The following GPR158 variants were observed in gnomAD, a reference collection of about 807,000 sequenced individuals.
GPR158 encodes the protein G protein-coupled receptor 158.
In GPR158, 30 loss-of-function variants were observed where a neutral mutation model predicts 78.2. The observed-to-expected ratio is 0.38, with a 90% CI of 0.29 to 0.52. GPR158 has a LOEUF of 0.52. GPR158 is among the 20% of genes least tolerant of loss of function. GPR158 has a pLI of 0.83. For missense variants in GPR158, 1,463 were observed against 1,523.5 expected, an observed-to-expected ratio of 0.96 and a Z score of 0.66; for synonymous variants, 581 against 591.1, an observed-to-expected ratio of 0.98 and a Z score of 0.25.
chr10:25,354,399 G>C (rs995961369), intron 2 of GPR158, among the ~76,000 whole-genome samples: 6 of 150,156 alleles, frequency 4.0e-5, no homozygotes, highest in Non-Finnish European at 8.9e-5. Flanking sequence ...ACTTACCTTA[G>C]ACCACAAAGA....
chr10:25,382,939 G>A (rs1834175649), intron 2 of GPR158, among the ~76,000 whole-genome samples: 2 of 151,914 alleles, frequency 1.3e-5, no homozygotes, highest in South Asian at 4.1e-4. Context: ...AGGTTCAAGC[G>A]ATTCTCCTGC....
At chr10:25,596,242 T>C (rs1267047750) in intron 9 of GPR158, among the ~76,000 whole-genome samples, 2 of 152,172 alleles carry the variant, frequency 1.3e-5, no homozygotes, top group Non-Finnish European at 2.9e-5. Flanking sequence ...GCGTATGATA[T>C]TTTGGAGGGC....
At chr10:25,236,462 T>C (rs569521553) in intron 2 of GPR158, among the ~76,000 whole-genome samples, 1 of 152,246 alleles carries the variant, frequency 6.6e-6, no homozygotes, top group Admixed American at 6.5e-5. Flanking sequence ...GAGCCGAGAT[T>C]GCACCACTGC....
intron 3 of GPR158, among the ~76,000 whole-genome samples, chr10:25,402,456 A>G (rs1408685116): frequency 6.6e-6 from 1 of 152,088 alleles, no homozygotes; most frequent in African/African-American, 2.4e-5. Context: ...ATATTGTATC[A>G]GTATTAAATT....
chr10:25,253,176 G>A (rs941738981), intron 2 of GPR158, among the ~76,000 whole-genome samples: 18 of 152,262 alleles, frequency 1.2e-4, no homozygotes, highest in Middle Eastern at 3.4e-3. Flanking sequence ...TTCGGCTCGC[G>A]CACCGTGCGC....
chr10:25,598,182 G>A lies in GPR158; in HGVS notation c.2556G>A (p.Leu852=). ...CAGAAAATTCCACACTGGAATCCCT[G>A]TCGGGTAAAAAACTAACACAAAAAC... The part of the protein sequence containing the change: ...ETTENSTLES[L]SGKKLTQKLK... The change falls in exon 11 of 11, where the codon CTG becomes CTA. Residue 852 remains leucine, a synonymous_variant. Transcript: ENST00000376351. 2 of 1,614,170 alleles carry A rather than the reference G, an allele frequency of 1.2e-6. No homozygotes were observed. Among genetic ancestry groups the A allele is most frequent in the South Asian group, 1.1e-5 (1 of 91,088 alleles).
chr10:25,379,928 T>C lies in GPR158; in HGVS notation c.1009-15983T>C, dbSNP rs185566328. ...TACCTTGGATCTTGGTCCCTCCATT[T>C]TGGCTTCACATAAGCTTTCTTATGC... On this transcript the variant is annotated intron_variant, in intron 2 of 10. Coordinates refer to ENST00000376351, the MANE Select transcript of GPR158 (RefSeq NM_020752.3). Among the ~76,000 whole-genome samples the C allele has an allele frequency of 5.1e-3, 782 of 151,852 alleles. 2 individuals carry two copies. Among genetic ancestry groups the C allele is most frequent in the Non-Finnish European group, 9.1e-3 (617 of 67,942 alleles).
At chr10:25,189,834 A>ATGTG (rs56205437) in intron 1 of GPR158, among the ~76,000 whole-genome samples, 9,984 of 120,400 alleles carry the variant, frequency 0.083, 453 homozygotes, top group African/African-American at 0.1. Context: ...AAAGGAAAGC[A>ATGTG]TGTGTGTGTG....
At position 25,431,776 on chromosome 10, in the gene GPR158, G is replaced by A. The variant is rs553921720; in HGVS notation, c.1335+19303G>A. 6.6e-5 allele frequency among the ~76,000 whole-genome samples: 10 copies of A among 152,022 alleles called. No homozygotes were observed. The East Asian group carries it at 7.7e-4, about 12-fold the overall frequency. ...TCGCAAGAACAAAAAACCAAACACCGCATATTCTCACTCATATGTGGGAAT... is the reference window on the plus strand; with the variant it reads ...TCGCAAGAACAAAAAACCAAACACCACATATTCTCACTCATATGTGGGAAT... On this transcript the variant is annotated intron_variant, in intron 4 of 10. Coordinates refer to ENST00000376351, the MANE Select transcript of GPR158 (RefSeq NM_020752.3).
At chr10:25,239,345 A>G (rs1853572352) in intron 2 of GPR158, among the ~76,000 whole-genome samples, 1 of 152,102 alleles carries the variant, frequency 6.6e-6, no homozygotes, top group African/African-American at 2.4e-5. Context: ...TGATGCCTGT[A>G]ATCCCAGCAC....
chr10:25,386,640 G>A (rs772072121), intron 2 of GPR158, among the ~76,000 whole-genome samples: 1 of 152,040 alleles, frequency 6.6e-6, no homozygotes, highest in Non-Finnish European at 1.5e-5. Flanking sequence ...ATATTTTACA[G>A]TTTTCAGAGT....
intron 5 of GPR158, among the ~76,000 whole-genome samples, chr10:25,538,722 A>G (rs903773799): frequency 6.6e-6 from 1 of 152,200 alleles, no homozygotes; most frequent in Non-Finnish European, 1.5e-5. Context: ...TATTTTATAT[A>G]CATTTTAGGT....
chr10:25,498,345 A>G (rs1221673661), intron 5 of GPR158, among the ~76,000 whole-genome samples: 2 of 152,218 alleles, frequency 1.3e-5, no homozygotes, highest in Non-Finnish European at 2.9e-5. Flanking sequence ...GGAAGCCCAG[A>G]AGGCACACTT....
At chr10:25,430,462 A>T (rs36172550) in intron 4 of GPR158, among the ~76,000 whole-genome samples, 17,240 of 147,636 alleles carry the variant, frequency 0.12, 1,072 homozygotes, top group East Asian at 0.16. Flanking sequence ...ATTCAATGCC[A>T]TCCCCATCGA....
intron 2 of GPR158, among the ~76,000 whole-genome samples, chr10:25,301,576 T>G (rs67389824): frequency 0.2 from 30,732 of 151,872 alleles, 5,250 homozygotes; most frequent in African/African-American, 0.47. Flanking sequence ...TGTGTTGGGA[T>G]TGTGAGGAAT....
intron 2 of GPR158, among the ~76,000 whole-genome samples, chr10:25,316,992 C>T (rs1382584824): frequency 6.7e-6 from 1 of 149,988 alleles, no homozygotes; most frequent in Non-Finnish European, 1.5e-5. Flanking sequence ...TTCAATTATA[C>T]ATATCCATTC....
chr10:25,411,653 A>G (rs1056556308), intron 3 of GPR158, among the ~76,000 whole-genome samples: 1 of 151,806 alleles, frequency 6.6e-6, no homozygotes, highest in African/African-American at 2.4e-5. Flanking sequence ...AAGACTTAGA[A>G]GGCCAGGTGC....
intron 2 of GPR158, among the ~76,000 whole-genome samples, chr10:25,370,671 A>G (rs991534057): frequency 6.7e-6 from 1 of 150,166 alleles, no homozygotes; most frequent in East Asian, 2.0e-4. Flanking sequence ...AGTTCTGTAG[A>G]TGTCTATTAG....
chr10:25,594,090 CATA>C (rs2130752101), intron 8 of GPR158, 199 bp from the exon 9 acceptor site: 1 of 407,076 alleles, frequency 2.5e-6, no homozygotes, highest in East Asian at 4.3e-5. Flanking sequence ...AATCTAAAAT[CATA>C]ATAAAGGGTT....
Sources: gnomAD v4.1 joint callset for allele counts (sites outside exome capture counted in the v4.1 genomes callset) on GRCh38, gnomAD v4.1.1 for gene constraint, MANE v1.5 for transcripts, NCBI Gene and HGNC (gene_info 2026-07-23, HGNC 2026-07-21) for gene names.